Variants in ULK4 observed in about 807,000 individuals in gnomAD.
ULK4 encodes unc-51 like kinase 4.
Under a neutral mutation model 160.6 loss-of-function variants are expected in ULK4, and 133 were observed. The ratio of observed to expected loss-of-function variants is 0.83; its 90% CI spans 0.72 to 0.96. The LOEUF is 0.96. Among genes scored for constraint, ULK4 ranks in the 40% least tolerant of loss-of-function variants. ULK4 has a pLI of 0.00. For synonymous variants in ULK4, 534 were observed against 539.8 expected (o/e 0.99, Z 0.15); for missense variants, 1,580 against 1,499.5 (o/e 1.05, Z -0.89).
intron 1 of ULK4, among the ~76,000 whole-genome samples, chr3:41,957,564 TTGGCCAGGCACGG>T (rs983781464): frequency 1.3e-5 from 2 of 151,670 alleles, no homozygotes; most frequent in African/African-American, 2.4e-5. Context: ...AAACAGCACA[TTGGCCAGGCACGG>T]TTGCTCGCAC....
At chr3:41,890,429 C>G (rs574885794) in intron 16 of ULK4, among the ~76,000 whole-genome samples, 1 of 151,984 alleles carries the variant, frequency 6.6e-6, no homozygotes, top group African/African-American at 2.4e-5. Context: ...CCTGTAATCC[C>G]GGCACTTTGG....
chr3:41,420,475 C>CTTTTTT lies in ULK4; in HGVS notation c.3493-22217_3493-22212dup, dbSNP rs1165381982. 4.0e-3 allele frequency among the ~76,000 whole-genome samples: 166 copies of CTTTTTT among 41,184 alleles called. 5 individuals carry two copies. Among genetic ancestry groups the CTTTTTT allele is most frequent in the South Asian group, 9.7e-3 (7 of 720 alleles). The allele number at this position is 41,184 out of a possible 152,430, so 27.0% of individuals were successfully genotyped here. ...GGATTTTTCAGTTTTCCAGTTCTTT[C>CTTTTTT]TTTTTTTTTTTTTTTTTTTTTTTTT... On this transcript the variant is annotated intron_variant, in intron 34 of 36. Coordinates refer to ENST00000301831, the MANE Select transcript of ULK4 (RefSeq NM_017886.4).
chr3:41,697,607 T>C (rs1026148698), intron 27 of ULK4, among the ~76,000 whole-genome samples: 3 of 151,860 alleles, frequency 2.0e-5, no homozygotes, highest in South Asian at 2.1e-4. Context: ...GAAAAATACA[T>C]TTTTTTTCTA....
At chr3:41,448,071 C>A (rs1473774403) in intron 34 of ULK4, among the ~76,000 whole-genome samples, 3 of 152,176 alleles carry the variant, frequency 2.0e-5, no homozygotes, top group Non-Finnish European at 2.9e-5. Flanking sequence ...TACTTCCTTT[C>A]CTACACAAAT....
chr3:41,766,784 A>C (rs2039175733), intron 21 of ULK4: 2 of 152,244 alleles, frequency 1.3e-5, no homozygotes, highest in South Asian at 4.1e-4. Context: ...GATCTGATCA[A>C]TCACAGGGCT....
At chr3:41,619,236 G>A (rs2033127472) in intron 30 of ULK4, among the ~76,000 whole-genome samples, 1 of 151,624 alleles carries the variant, frequency 6.6e-6, no homozygotes. Context: ...AATTAACAAG[G>A]ATATTCAGGA....
rs182760093 is a variant in ULK4 at position 41,517,389 on chromosome 3, C to A, written c.3226+48636G>T. Among the ~76,000 whole-genome samples, 9 of 152,120 alleles carry A rather than the reference C, an allele frequency of 5.9e-5. No individual in the cohort carries two copies. The East Asian group carries it at 1.7e-3, about 29-fold the overall frequency. Reference sequence around the variant, plus strand: ...CTGCCCTCATGAATAGGATTAGGACCCTTATTAAAGGGCTTGAGGGAACTA... The same window carrying A: ...CTGCCCTCATGAATAGGATTAGGACACTTATTAAAGGGCTTGAGGGAACTA... On this transcript the variant is annotated intron_variant, in intron 32 of 36. Coordinates refer to ENST00000301831, the MANE Select transcript of ULK4 (RefSeq NM_017886.4).
chr3:41,878,346 G>A (rs1390131572), intron 17 of ULK4, among the ~76,000 whole-genome samples: 1 of 152,106 alleles, frequency 6.6e-6, no homozygotes, highest in East Asian at 1.9e-4. Flanking sequence ...AAAGACTAAT[G>A]ACTGCAAAGG....
chr3:41,957,642 G>A (rs1700528641), intron 1 of ULK4, among the ~76,000 whole-genome samples: 3 of 151,786 alleles, frequency 2.0e-5, no homozygotes, highest in Non-Finnish European at 4.4e-5. Context: ...GAGCCCAGGA[G>A]ATTGAGGCTG....
intron 32 of ULK4, among the ~76,000 whole-genome samples, chr3:41,507,991 A>G (rs950885627): frequency 2.6e-5 from 4 of 152,172 alleles, no homozygotes; most frequent in African/African-American, 9.7e-5. Context: ...ATGCCAAAAA[A>G]CTGTGAGTTG....
chr3:41,279,281 C>T (rs865844963), intron 35 of ULK4, among the ~76,000 whole-genome samples: 2 of 103,928 alleles, frequency 1.9e-5, no homozygotes, highest in Non-Finnish European at 3.9e-5. Flanking sequence ...AAAAACAAAA[C>T]GACAAAGCCT....
chr3:41,363,040 G>A (rs566939432), intron 35 of ULK4, among the ~76,000 whole-genome samples: 1 of 152,242 alleles, frequency 6.6e-6, no homozygotes, highest in Non-Finnish European at 1.5e-5. Context: ...AATGGAGGGA[G>A]GAGACCTGCA....
intron 32 of ULK4, among the ~76,000 whole-genome samples, chr3:41,553,468 C>T (rs1164762867): frequency 6.6e-6 from 1 of 151,904 alleles, no homozygotes; most frequent in Non-Finnish European, 1.5e-5. Flanking sequence ...GACATAAAAC[C>T]GCCAACAGGT....
intron 35 of ULK4, among the ~76,000 whole-genome samples, chr3:41,385,172 T>C (rs2081776564): frequency 6.6e-6 from 1 of 152,226 alleles, no homozygotes; most frequent in Non-Finnish European, 1.5e-5. Context: ...TTTCACATGA[T>C]TTAGAAAACA....
intron 32 of ULK4, among the ~76,000 whole-genome samples, chr3:41,490,920 C>A (rs753294081): frequency 6.6e-6 from 1 of 152,064 alleles, no homozygotes; most frequent in Non-Finnish European, 1.5e-5. Flanking sequence ...CAATAAATGT[C>A]TGTGTAAGGA....
At chr3:41,541,289 T>C (rs1341678957) in intron 32 of ULK4, among the ~76,000 whole-genome samples, 10 of 152,218 alleles carry the variant, frequency 6.6e-5, no homozygotes, top group Admixed American at 6.5e-4. Context: ...TAGGGAATCC[T>C]TTCCCCATTG....
chr3:41,926,819 C>G (rs373945172), intron 5 of ULK4, among the ~76,000 whole-genome samples: 1 of 150,726 alleles, frequency 6.6e-6, no homozygotes, highest in Non-Finnish European at 1.5e-5. Flanking sequence ...TGAAAAGGAA[C>G]AAACAAAGCC....
intron 35 of ULK4, among the ~76,000 whole-genome samples, chr3:41,339,735 C>T (rs1036321353): frequency 3.9e-5 from 6 of 152,248 alleles, no homozygotes; most frequent in Admixed American, 2.6e-4. Flanking sequence ...TTTAGAATTT[C>T]GAATTCTCCA....
intron 16 of ULK4, among the ~76,000 whole-genome samples, 194 bp from the exon 17 acceptor site, chr3:41,884,146 C>T (rs1160290466): frequency 2.6e-5 from 4 of 152,194 alleles, no homozygotes; most frequent in African/African-American, 9.7e-5. Flanking sequence ...TAGGGAGACA[C>T]GAACCGTAAT....
Sources: gnomAD v4.1 joint callset for allele counts (sites outside exome capture counted in the v4.1 genomes callset) on GRCh38, gnomAD v4.1.1 for gene constraint, MANE v1.5 for transcripts, NCBI Gene and HGNC (gene_info 2026-07-23, HGNC 2026-07-21) for gene names.